MAF: variants seen among roughly 807,000 people sequenced by gnomAD.
MAF encodes the protein transcription factor Maf.
Under a neutral mutation model 22.0 loss-of-function variants are expected in MAF, and 10 were observed. That is an observed-to-expected ratio of 0.45 (90% confidence interval 0.28 to 0.77). The LOEUF (loss-of-function observed/expected upper bound fraction) is 0.77, where lower values mean the gene tolerates loss of function less well. MAF is among the 30% of genes least tolerant of loss of function. The pLI, the probability that MAF is intolerant of heterozygous loss-of-function variation, is 0.12. For missense variants in MAF, 544 were observed against 548.4 expected (o/e 0.99, Z 0.08); for synonymous variants, 337 against 255.8 (o/e 1.32, Z -3.03).
the MAF span, chr16:79,212,981 G>GTTAT: frequency 6.6e-6 from 1 of 152,116 alleles, no homozygotes; most frequent in East Asian, 1.9e-4. Flanking sequence ...CTTACAGTGA[G>GTTAT]TTATTTTAGT....
the MAF span, among the ~76,000 whole-genome samples, chr16:79,354,506 G>C: frequency 6.6e-6 from 1 of 152,198 alleles, no homozygotes; most frequent in South Asian, 2.1e-4. Context: ...CAGTAGAGGG[G>C]AGAATGGGTG....
chr16:79,391,899 CAGGAGGAGGAGA>C, the MAF span, among the ~76,000 whole-genome samples: 10 of 48,362 alleles, frequency 2.1e-4, no homozygotes, highest in Non-Finnish European at 5.9e-4. Flanking sequence ...GGAGGAGGAG[CAGGAGGAGGAGA>C]AGGAGGAGGA....
At chr16:79,373,573 G>C in the MAF span, among the ~76,000 whole-genome samples, 7 of 151,572 alleles carry the variant, frequency 4.6e-5, no homozygotes, top group Admixed American at 1.3e-4. Flanking sequence ...AGTAGAGACG[G>C]GGTTTTACCA....
the MAF span, among the ~76,000 whole-genome samples, chr16:79,387,021 A>G: frequency 4.6e-5 from 7 of 152,336 alleles, no homozygotes; most frequent in African/African-American, 1.7e-4. Context: ...GGCTTCCAAT[A>G]TAGATTTTCC....
the MAF span, among the ~76,000 whole-genome samples, chr16:79,495,098 T>A: frequency 3.9e-5 from 6 of 152,104 alleles, no homozygotes; most frequent in African/African-American, 1.2e-4. Context: ...AACCAGGTAG[T>A]TTACAGTTTT....
chr16:79,289,841 T>G, the MAF span, among the ~76,000 whole-genome samples: 9 of 121,822 alleles, frequency 7.4e-5, no homozygotes, highest in African/African-American at 2.2e-4. Flanking sequence ...AAAGGCAGGA[T>G]GTTTGTTTGT....
intron 1 of MAF, chr16:79,598,536 C>A (rs950119806): frequency 2.1e-6 from 3 of 1,416,410 alleles, no homozygotes; most frequent in Admixed American, 5.4e-5. Context: ...ATTCCCTCCC[C>A]AGTTTAAAAC....
chr16:79,222,650 C>A, the MAF span, among the ~76,000 whole-genome samples: 1 of 151,864 alleles, frequency 6.6e-6, no homozygotes, highest in African/African-American at 2.4e-5. Context: ...TGCAGAGACA[C>A]AAATAGGCTC....
chr16:79,235,149 A>T, the MAF span, among the ~76,000 whole-genome samples: 1 of 152,092 alleles, frequency 6.6e-6, no homozygotes, highest in African/African-American at 2.4e-5. Context: ...GCCAAAGCTC[A>T]CCGGGAAAGT....
chr16:79,351,655 T>G, the MAF span, among the ~76,000 whole-genome samples: 1 of 152,056 alleles, frequency 6.6e-6, no homozygotes, highest in Non-Finnish European at 1.5e-5. Flanking sequence ...ACAGATTTTT[T>G]TTTTTTAAGC....
the MAF span, among the ~76,000 whole-genome samples, chr16:79,219,351 T>C: frequency 6.6e-6 from 1 of 151,992 alleles, no homozygotes; most frequent in Non-Finnish European, 1.5e-5. Flanking sequence ...AAAACGCCTA[T>C]CTGAAATTCT....
the MAF span, among the ~76,000 whole-genome samples, chr16:79,268,293 G>T: frequency 8.7e-3 from 1,322 of 152,152 alleles, 15 homozygotes; most frequent in African/African-American, 0.03. Flanking sequence ...TCAGCCTGAG[G>T]GTTATGATCA....
the MAF span, among the ~76,000 whole-genome samples, chr16:79,263,137 G>T: frequency 6.6e-6 from 1 of 152,172 alleles, no homozygotes; most frequent in Admixed American, 6.5e-5. Context: ...ACTAGGCAGT[G>T]AACTAGGCAG....
At chr16:79,377,846 A>G in the MAF span, among the ~76,000 whole-genome samples, 2 of 152,094 alleles carry the variant, frequency 1.3e-5, no homozygotes, top group Admixed American at 6.6e-5. Flanking sequence ...GTAGATATGC[A>G]GCATTATTTC....
chr16:79,308,229 C>G, the MAF span, among the ~76,000 whole-genome samples: 1 of 152,190 alleles, frequency 6.6e-6, no homozygotes, highest in East Asian at 1.9e-4. Context: ...TTTAAGACAC[C>G]TGGAATGATC....
At chr16:79,206,900 T>G in the MAF span, among the ~76,000 whole-genome samples, 1 of 152,202 alleles carries the variant, frequency 6.6e-6, no homozygotes, top group African/African-American at 2.4e-5. Flanking sequence ...AGATTGCTCT[T>G]GGATAGTGAG....
the MAF span, among the ~76,000 whole-genome samples, chr16:79,216,985 T>G: frequency 1.5e-4 from 23 of 152,216 alleles, no homozygotes; most frequent in Admixed American, 1.3e-4. Context: ...AATTTTTGTG[T>G]TTTTAGTAGA....
the MAF span, among the ~76,000 whole-genome samples, chr16:79,278,262 G>T: frequency 3.9e-5 from 6 of 152,238 alleles, no homozygotes; most frequent in Middle Eastern, 3.2e-3. Context: ...CAAGGGGAAA[G>T]TGAATCTTTA....
the MAF span, among the ~76,000 whole-genome samples, chr16:79,242,203 T>C: frequency 6.6e-6 from 1 of 151,802 alleles, no homozygotes; most frequent in Admixed American, 6.6e-5. Context: ...TAACCTTAAA[T>C]GTAAACAGGC....
Sources: allele counts gnomAD v4.1 joint callset (sites outside exome capture counted in the v4.1 genomes callset), GRCh38; gene constraint gnomAD v4.1.1; transcripts MANE v1.5; gene names NCBI Gene and HGNC (gene_info 2026-07-23, HGNC 2026-07-21).